Variants in ASPH observed in about 807,000 individuals in gnomAD.
ASPH encodes the protein aspartate beta-hydroxylase, also known as aspartyl/asparaginyl beta-hydroxylase.
Under a neutral mutation model 118.4 loss-of-function variants are expected in ASPH, and 100 were observed. That is an observed-to-expected ratio of 0.84 (90% CI 0.72 to 1.00). The LOEUF (loss-of-function observed/expected upper bound fraction) is 1.00. ASPH is among the 50% of genes least tolerant of loss of function. The probability of loss-of-function intolerance (pLI) is 0.00; values close to 1 mark genes in which losing one functional copy is unlikely to be tolerated. For missense variants in ASPH, 920 were observed against 919.5 expected, an observed-to-expected ratio of 1.00 and a Z score of -0.01; for synonymous variants, 315 against 325.6, an observed-to-expected ratio of 0.97 and a Z score of 0.35.
At chr8:61,689,433 A>G (rs991220417) in intron 1 of ASPH, among the ~76,000 whole-genome samples, 2 of 152,216 alleles carry the variant, frequency 1.3e-5, no homozygotes, top group African/African-American at 4.8e-5. Flanking sequence ...CAGTAGTACA[A>G]CATACTAAAA....
At chr8:61,578,814 GATGTGGATGAAGCTT>G in intron 15 of ASPH, 1 of 1,610,290 alleles carries the variant, frequency 6.2e-7, no homozygotes, top group South Asian at 1.1e-5. Context: ...CATCAAGAAG[GATGTGGATGAAGCTT>G]ACATGAACAA....
chr8:61,607,357 C>A (rs1405806953), intron 14 of ASPH: 8 of 689,822 alleles, frequency 1.2e-5, no homozygotes, highest in East Asian at 8.1e-5. Context: ...ATATATAATT[C>A]TTTCTCCTAC....
At chr8:61,526,168 A>G in intron 21 of ASPH, 56 bp from the exon 22 acceptor site, 1 of 1,596,488 alleles carries the variant, frequency 6.3e-7, no homozygotes, top group South Asian at 1.1e-5. Context: ...GGAGCACCTC[A>G]TAATGACTCT....
chr8:61,624,210 T>C (rs76374023), intron 13 of ASPH: 26,306 of 978,306 alleles, frequency 0.027, 770 homozygotes, highest in South Asian at 0.18. Flanking sequence ...ATCTATTATA[T>C]ACTCACAAAA....
intron 2 of ASPH, among the ~76,000 whole-genome samples, chr8:61,683,153 A>T (rs1357246490): frequency 6.6e-6 from 1 of 152,170 alleles, no homozygotes; most frequent in Non-Finnish European, 1.5e-5. Context: ...AGACACAGAA[A>T]GTAGATTAGT....
chr8:61,560,600 A>G (rs896987807), intron 18 of ASPH, among the ~76,000 whole-genome samples: 6 of 152,106 alleles, frequency 3.9e-5, no homozygotes, highest in Non-Finnish European at 8.8e-5. Context: ...CAGTCTATTC[A>G]TGCTTTAAAA....
At chr8:61,644,123 C>T in intron 7 of ASPH, 122 bp from the exon 8 acceptor site, 3 of 764,884 alleles carry the variant, frequency 3.9e-6, no homozygotes, top group Non-Finnish European at 6.5e-6. Flanking sequence ...TAATGATATT[C>T]AAACATGTTC....
At chr8:61,584,087 G>C in intron 14 of ASPH, 58 bp from the exon 15 acceptor site, 1 of 1,121,688 alleles carries the variant, frequency 8.9e-7, no homozygotes, top group South Asian at 1.4e-5. Context: ...TAGTTATTAA[G>C]CATAACAATT....
intron 14 of ASPH, among the ~76,000 whole-genome samples, chr8:61,596,023 C>T (rs1842419404): frequency 6.6e-6 from 1 of 152,106 alleles, no homozygotes; most frequent in African/African-American, 2.4e-5. Flanking sequence ...CCCCACCCCT[C>T]AATGCAGCCT....
intron 13 of ASPH, chr8:61,628,323 CTTTTTTTTTTT>C (rs398008041): frequency 2.2e-4 from 44 of 196,646 alleles, no homozygotes; most frequent in African/African-American, 1.4e-3. Context: ...CCAAGCCCGG[CTTTTTTTTTTT>C]TTTTTTTTTT....
At position 61,588,159 on chromosome 8, in the gene ASPH, T is replaced by C. The variant is rs180907724; in HGVS notation, c.977-4130A>G. On this transcript the variant is annotated intron_variant, in intron 14 of 24. Transcript: ENST00000379454. ...TTAGGAGAAAGCTATCTATGCTATA[T>C]ATAAATTAAAGTTTTGTTTTGTTTT... 3.1e-3 allele frequency among the ~76,000 whole-genome samples: 466 copies of C among 152,350 alleles called. 1 individual carries two copies. The highest frequency in any genetic ancestry group is 6.8e-3 in the Middle Eastern group (2 of 294).
intron 1 of ASPH, among the ~76,000 whole-genome samples, chr8:61,713,267 C>T (rs996798974): frequency 6.6e-6 from 1 of 152,230 alleles, no homozygotes; most frequent in African/African-American, 2.4e-5. Flanking sequence ...GGGAAAGGAA[C>T]ATTCTAGGAG....
At chr8:61,664,688 A>G in intron 3 of ASPH, 2 of 985,896 alleles carry the variant, frequency 2.0e-6, no homozygotes. Context: ...GAAAAGGGGA[A>G]GGAGAACCCA....
chr8:61,631,013 T>C (rs895150341), intron 13 of ASPH, among the ~76,000 whole-genome samples: 3 of 152,114 alleles, frequency 2.0e-5, no homozygotes, highest in African/African-American at 7.2e-5. Flanking sequence ...TCTTAGTTTT[T>C]TACAAAAAAG....
intron 3 of ASPH, chr8:61,664,837 A>C (rs985861889): frequency 2.0e-6 from 2 of 989,500 alleles, no homozygotes; most frequent in Admixed American, 6.1e-5. Context: ...GAAGGAGGGA[A>C]GAAAACAACG....
chr8:61,609,655 A>C (rs189223813), intron 14 of ASPH, among the ~76,000 whole-genome samples: 1 of 152,158 alleles, frequency 6.6e-6, no homozygotes, highest in East Asian at 1.9e-4. Context: ...TCCTATTGTC[A>C]ATATATATTT....
rs117430845 is a variant in ASPH, at chr8:61,670,965, A to C, written c.322+10003T>G. Among the ~76,000 whole-genome samples, 237 of 152,272 alleles carry C rather than the reference A, an allele frequency of 1.6e-3. 3 individuals carry two copies. The East Asian group carries it at 0.035, about 23-fold the overall frequency. ...TGTGGAAAAGTTTAGAATGACTGCT[A>C]ACAAGGGAAACTGTTGGAGCAGCAT... On this transcript the variant is annotated intron_variant, in intron 3 of 24. Transcript: ENST00000379454.
chr8:61,533,364 A>T (rs1818306695), intron 21 of ASPH, among the ~76,000 whole-genome samples: 1 of 152,174 alleles, frequency 6.6e-6, no homozygotes, highest in Non-Finnish European at 1.5e-5. Context: ...TTACAGATAC[A>T]CATCTTCTCT....
At chr8:61,633,064 T>C (rs1439068034) in intron 13 of ASPH, 1 of 156,132 alleles carries the variant, frequency 6.4e-6, no homozygotes, top group African/African-American at 2.4e-5. Flanking sequence ...GTATAGTTTA[T>C]GCCATCTCTA....
Sources: allele counts gnomAD v4.1 joint callset (sites outside exome capture counted in the v4.1 genomes callset), GRCh38; gene constraint gnomAD v4.1.1; transcripts MANE v1.5; gene names NCBI Gene and HGNC (gene_info 2026-07-23, HGNC 2026-07-21).